CAB39: variants seen among roughly 807,000 people sequenced by gnomAD.
CAB39 encodes calcium binding protein 39.
CAB39 carries 8 observed loss-of-function variants against 40.0 expected under a neutral mutation model. The observed-to-expected ratio is 0.20, with a 90% CI of 0.12 to 0.36. The LOEUF (loss-of-function observed/expected upper bound fraction) is 0.36. CAB39 is among the 10% of genes least tolerant of loss of function. The pLI is 1.00. For synonymous variants in CAB39, 156 were observed against 141.6 expected (o/e 1.10, Z -0.72); for missense variants, 270 against 401.1 (o/e 0.67, Z 2.79).
intron 8 of CAB39, chr2:230,818,188 G>A (rs907044491): frequency 2.2e-6 from 1 of 447,032 alleles, no homozygotes; most frequent in Non-Finnish European, 3.9e-6. Context: ...TTCTGTGGAG[G>A]TTTCATTCTT....
At chr2:230,741,380 A>G (rs909499559) in intron 1 of CAB39, among the ~76,000 whole-genome samples, 17 of 152,220 alleles carry the variant, frequency 1.1e-4, no homozygotes, top group African/African-American at 4.1e-4. Flanking sequence ...ATACAGGTCT[A>G]CTTCAGAATA....
intron 1 of CAB39, among the ~76,000 whole-genome samples, chr2:230,731,153 G>A (rs1694681464): frequency 6.6e-6 from 1 of 152,164 alleles, no homozygotes; most frequent in Non-Finnish European, 1.5e-5. Context: ...TAAAACACTG[G>A]CCAAGTGAAC....
intron 2 of CAB39, among the ~76,000 whole-genome samples, chr2:230,780,194 C>T (rs1695661718): frequency 6.6e-6 from 1 of 152,104 alleles, no homozygotes; most frequent in Non-Finnish European, 1.5e-5. Flanking sequence ...AGCCTTGGAA[C>T]TAAGTAGGAT....
intron 8 of CAB39, chr2:230,818,211 G>C: frequency 2.2e-6 from 1 of 451,520 alleles, no homozygotes; most frequent in Non-Finnish European, 3.9e-6. Context: ...AATCCCATCT[G>C]ACCTCTTGTG....
chr2:230,762,688 AAT>A (rs1353305802), intron 2 of CAB39, among the ~76,000 whole-genome samples: 1 of 152,210 alleles, frequency 6.6e-6, no homozygotes, highest in Non-Finnish European at 1.5e-5. Context: ...TCTGTGGCTA[AAT>A]ATGTTGTCTA....
chr2:230,776,917 G>A (rs886389059), intron 2 of CAB39, among the ~76,000 whole-genome samples: 3 of 152,116 alleles, frequency 2.0e-5, no homozygotes, highest in Non-Finnish European at 4.4e-5. Context: ...TCGATCTCCT[G>A]ACCTCATGAT....
intron 1 of CAB39, among the ~76,000 whole-genome samples, chr2:230,747,243 G>A (rs570346703): frequency 1.3e-5 from 2 of 152,354 alleles, no homozygotes; most frequent in Non-Finnish European, 2.9e-5. Context: ...AAAGAAAAAA[G>A]TGGTCTAGAG....
At position 230,742,155 on chromosome 2, in the gene CAB39, T is replaced by TTTTG. The variant is rs147143513; in HGVS notation, c.-43-17772_-43-17769dup. Among the ~76,000 whole-genome samples the TTTTG allele has an allele frequency of 9.0e-3, 1,366 of 151,098 alleles. 15 individuals are homozygous for TTTTG. Among genetic ancestry groups the TTTTG allele is most frequent in the South Asian group, 0.042 (200 of 4,770 alleles). On this transcript the variant is annotated intron_variant, in intron 1 of 8. Transcript: ENST00000258418. The stretch of plus-strand genomic sequence containing the variant: ...TTACAGATAAGTCTTTTTTGTTTTG[T>TTTTG]TTTGTTTGTTTGTTTGTTTGTTTGT...
At chr2:230,748,045 C>G (rs1695006023) in intron 1 of CAB39, among the ~76,000 whole-genome samples, 1 of 151,694 alleles carries the variant, frequency 6.6e-6, no homozygotes, top group African/African-American at 2.4e-5. Flanking sequence ...GAATCAGGAT[C>G]CAGAGAGGGC....
rs191806805 is a variant in CAB39, at chr2:230,726,051, A to G, written c.-44+12821A>G. On this transcript the variant is annotated intron_variant, in intron 1 of 8. Transcript: ENST00000258418. Reference sequence around the variant, plus strand: ...GATGGGGCAGGATAGGATTGCTGAAAGAATGCATAGTTCTTCCATATTTGA... The same window carrying G: ...GATGGGGCAGGATAGGATTGCTGAAGGAATGCATAGTTCTTCCATATTTGA... Among the ~76,000 whole-genome samples, 115 of 152,378 alleles carry G rather than the reference A, an allele frequency of 7.5e-4. 1 individual carries two copies. Among genetic ancestry groups the G allele is most frequent in the African/African-American group, 2.7e-3 (111 of 41,588 alleles).
chr2:230,733,613 A>G (rs1211812549), intron 1 of CAB39, among the ~76,000 whole-genome samples: 1 of 152,236 alleles, frequency 6.6e-6, no homozygotes, highest in Non-Finnish European at 1.5e-5. Flanking sequence ...CTTCTCAGGA[A>G]CTATTGAAAG....
intron 6 of CAB39, among the ~76,000 whole-genome samples, chr2:230,813,504 G>A (rs1375507359): frequency 6.6e-6 from 1 of 152,040 alleles, no homozygotes; most frequent in Non-Finnish European, 1.5e-5. Context: ...TTCGTTGTCG[G>A]CCTGGTTAAC....
At chr2:230,722,045 C>CT (rs879275195) in intron 1 of CAB39, among the ~76,000 whole-genome samples, 385 of 137,202 alleles carry the variant, frequency 2.8e-3, no homozygotes, top group African/African-American at 6.2e-3. Flanking sequence ...TTCACCAAGC[C>CT]TTTTTTTTTT....
intron 5 of CAB39, among the ~76,000 whole-genome samples, chr2:230,804,110 C>A (rs1696144633): frequency 6.6e-6 from 1 of 152,204 alleles, no homozygotes. Context: ...CTACAACCAT[C>A]TGATCTTTGA....
chr2:230,777,866 T>A (rs1695621456), intron 2 of CAB39, among the ~76,000 whole-genome samples: 1 of 152,178 alleles, frequency 6.6e-6, no homozygotes, highest in African/African-American at 2.4e-5. Flanking sequence ...ATAGGGTAAA[T>A]TCCTGAAAGT....
intron 4 of CAB39, among the ~76,000 whole-genome samples, chr2:230,796,200 GTTAA>G (rs1695983622): frequency 6.6e-6 from 1 of 152,148 alleles, no homozygotes; most frequent in Admixed American, 6.5e-5. Flanking sequence ...TTGTACTTTT[GTTAA>G]TTAATTTAGA....
At chr2:230,730,032 A>G (rs1025655740) in intron 1 of CAB39, among the ~76,000 whole-genome samples, 1 of 152,220 alleles carries the variant, frequency 6.6e-6, no homozygotes, top group Non-Finnish European at 1.5e-5. Context: ...GACTTATGGA[A>G]CACAGTAAAA....
At position 230,799,506 on chromosome 2, in the gene CAB39, A is replaced by T. The variant is rs560207445; in HGVS notation, c.567+609A>T. The stretch of plus-strand genomic sequence containing the variant: ...TCCTCCCTTGGTGTATATTTGTATA[A>T]ATTAAATACATACATGATGTGACAG... On this transcript the variant is annotated intron_variant, in intron 5 of 8. Transcript: ENST00000258418. Among the ~76,000 whole-genome samples, 4 of 152,296 alleles carry T rather than the reference A, an allele frequency of 2.6e-5. No homozygotes were observed. The South Asian group carries it at 8.3e-4, about 32-fold the overall frequency.
intron 5 of CAB39, among the ~76,000 whole-genome samples, chr2:230,804,780 C>G (rs1696160110): frequency 1.3e-5 from 2 of 152,180 alleles, no homozygotes; most frequent in African/African-American, 4.8e-5. Context: ...GAAATAGGGA[C>G]ACTTTTACAC....
Sources: gnomAD v4.1 joint callset for allele counts (sites outside exome capture counted in the v4.1 genomes callset) on GRCh38, gnomAD v4.1.1 for gene constraint, MANE v1.5 for transcripts, NCBI Gene and HGNC (gene_info 2026-07-23, HGNC 2026-07-21) for gene names.